Variants in MAML3 observed in about 807,000 individuals in gnomAD.
MAML3 encodes the protein mastermind like transcriptional coactivator 3.
In MAML3, 27 loss-of-function variants were observed where a neutral mutation model predicts 101.9. The observed-to-expected ratio is 0.27, with a 90% CI of 0.20 to 0.37. The LOEUF is 0.37. MAML3 is among the 10% of genes least tolerant of loss of function. The pLI is 1.00. For missense variants in MAML3, 1,316 were observed against 1,444.9 expected (o/e 0.91, Z 1.45); for synonymous variants, 501 against 555.9 (o/e 0.90, Z 1.39).
intron 2 of MAML3, among the ~76,000 whole-genome samples, chr4:139,882,524 T>C (rs1732239702): frequency 6.6e-6 from 1 of 152,102 alleles, no homozygotes; most frequent in African/African-American, 2.4e-5. Context: ...AGAAATGCCT[T>C]TAAAATTCTA....
chr4:140,013,196 G>A (rs1411204058), intron 1 of MAML3, among the ~76,000 whole-genome samples: 15 of 151,988 alleles, frequency 9.9e-5, no homozygotes, highest in Non-Finnish European at 1.9e-4. Flanking sequence ...AATATTTAAG[G>A]AGTCAAATGA....
chr4:139,847,923 G>A (rs1731477930), intron 2 of MAML3, among the ~76,000 whole-genome samples: 1 of 152,082 alleles, frequency 6.6e-6, no homozygotes, highest in African/African-American at 2.4e-5. Context: ...TTTATTTGGT[G>A]GTATGTTTGA....
intron 2 of MAML3, among the ~76,000 whole-genome samples, chr4:139,843,208 T>G (rs991778888): frequency 6.6e-6 from 1 of 152,178 alleles, no homozygotes; most frequent in Non-Finnish European, 1.5e-5. Flanking sequence ...ACCCACCTGA[T>G]AATGGGGCTT....
chr4:139,865,817 G>T (rs1350135676), intron 2 of MAML3, among the ~76,000 whole-genome samples: 1 of 152,258 alleles, frequency 6.6e-6, no homozygotes, highest in African/African-American at 2.4e-5. Flanking sequence ...ACCACCGCAA[G>T]TAGTCTGCAG....
chr4:139,928,850 G>A (rs1269675893), intron 1 of MAML3, among the ~76,000 whole-genome samples: 1 of 152,228 alleles, frequency 6.6e-6, no homozygotes, highest in Non-Finnish European at 1.5e-5. Flanking sequence ...ACTCAGAATG[G>A]AGGGGGATTT....
At chr4:139,792,751 T>TC (rs1730438778) in intron 2 of MAML3, among the ~76,000 whole-genome samples, 1 of 150,660 alleles carries the variant, frequency 6.6e-6, no homozygotes, top group African/African-American at 2.4e-5. Flanking sequence ...TTTCTTTCTT[T>TC]TTTTTTTTTT....
chr4:139,819,686 A>G (rs757786728), intron 2 of MAML3, among the ~76,000 whole-genome samples: 17 of 152,232 alleles, frequency 1.1e-4, no homozygotes, highest in Non-Finnish European at 2.2e-4. Flanking sequence ...TATGATTATG[A>G]AAACAAGATT....
intron 1 of MAML3, among the ~76,000 whole-genome samples, chr4:140,067,303 T>C (rs187955531): frequency 9.2e-5 from 14 of 152,252 alleles, no homozygotes; most frequent in Admixed American, 2.0e-4. Flanking sequence ...AAGGATTTAA[T>C]TTACTCTACT....
At chr4:140,064,183 A>G (rs1727493516) in intron 1 of MAML3, among the ~76,000 whole-genome samples, 1 of 152,200 alleles carries the variant, frequency 6.6e-6, no homozygotes, top group Non-Finnish European at 1.5e-5. Flanking sequence ...TCTGCTTTCT[A>G]AATTTCAAAC....
chr4:139,965,977 A>G (rs1209138824), intron 1 of MAML3, among the ~76,000 whole-genome samples: 1 of 152,198 alleles, frequency 6.6e-6, no homozygotes, highest in African/African-American at 2.4e-5. Context: ...CTGGCCAAGT[A>G]ATATAATTAA....
At chr4:139,767,884 C>G (rs1372449235) in intron 2 of MAML3, among the ~76,000 whole-genome samples, 1 of 152,308 alleles carries the variant, frequency 6.6e-6, no homozygotes, top group South Asian at 2.1e-4. Context: ...CCTCCTTGAA[C>G]CTTTTTTAGT....
At chr4:140,054,107 C>T (rs1473840051) in intron 1 of MAML3, among the ~76,000 whole-genome samples, 3 of 152,164 alleles carry the variant, frequency 2.0e-5, no homozygotes, top group Non-Finnish European at 4.4e-5. Flanking sequence ...CAGTGGCTCA[C>T]GCCTGTAATC....
chr4:139,877,406 T>C (rs1200085380), intron 2 of MAML3, among the ~76,000 whole-genome samples: 5 of 151,462 alleles, frequency 3.3e-5, no homozygotes, highest in Admixed American at 3.3e-4. Context: ...TAATGAACGA[T>C]GACATAATAT....
rs1214918464 is a variant in MAML3, at chr4:139,890,945, T to A, written c.491A>T (p.Lys164Met). The A allele has an allele frequency of 6.2e-7, 1 of 1,612,478 alleles. No homozygotes were observed. The change falls in exon 2 of 5, where the codon AAG (lysine) becomes ATG (methionine). Residue 164 changes from lysine (K) to methionine (M), a missense_variant. Coordinates refer to ENST00000509479, the MANE Select transcript of MAML3 (RefSeq NM_018717.5). This position sits in a 1 kb window ranked among gnomAD's most constrained non-coding sequence, Gnocchi z 4.1. ...LIMLQETVKR[K>M]LEGARSPLNG... ...AAGTGGTGATCGAGCTCCTTCCAACTTCCTTTTCACAGTCTCTTGTAGCTG... is the reference window on the plus strand; with the variant it reads ...AAGTGGTGATCGAGCTCCTTCCAACATCCTTTTCACAGTCTCTTGTAGCTG...
intron 2 of MAML3, among the ~76,000 whole-genome samples, chr4:139,881,922 ACT>A (rs1351711311): frequency 6.6e-6 from 1 of 151,946 alleles, no homozygotes; most frequent in Non-Finnish European, 1.5e-5. Context: ...GATGGTCTCA[ACT>A]CAAGTGATCC....
chr4:139,845,020 C>A (rs938508725), intron 2 of MAML3, among the ~76,000 whole-genome samples: 15 of 152,186 alleles, frequency 9.9e-5, no homozygotes, highest in African/African-American at 3.6e-4. Flanking sequence ...CTCTCTCTCT[C>A]TCTCCCTCTG....
At chr4:140,070,742 C>T (rs1727636420) in intron 1 of MAML3, among the ~76,000 whole-genome samples, 1 of 152,206 alleles carries the variant, frequency 6.6e-6, no homozygotes, top group African/African-American at 2.4e-5. Flanking sequence ...GGACTCCTAC[C>T]TAAGGCAACT....
chr4:139,956,435 T>C (rs1733917839), intron 1 of MAML3, among the ~76,000 whole-genome samples: 2 of 152,226 alleles, frequency 1.3e-5, no homozygotes, highest in Non-Finnish European at 2.9e-5. Flanking sequence ...CTGATACCAC[T>C]TGGAGAATAA....
intron 2 of MAML3, among the ~76,000 whole-genome samples, chr4:139,863,275 T>TATTCTTTG (rs1322959510): frequency 1.3e-5 from 2 of 152,078 alleles, no homozygotes; most frequent in East Asian, 3.9e-4. Flanking sequence ...TGGTAAGTCT[T>TATTCTTTG]ATTCTTTGTT....
Sources: allele counts gnomAD v4.1 joint callset (sites outside exome capture counted in the v4.1 genomes callset), GRCh38; gene constraint gnomAD v4.1.1; non-coding constraint Gnocchi (gnomAD v3.1); transcripts MANE v1.5; gene names NCBI Gene and HGNC (gene_info 2026-07-23, HGNC 2026-07-21).